The following PTK2 variants were observed in gnomAD, a reference collection of about 807,000 sequenced individuals.
PTK2 encodes protein tyrosine kinase 2, also known as focal adhesion kinase 1.
Under a neutral mutation model 150.1 loss-of-function variants are expected in PTK2, and 45 were observed. That is an observed-to-expected ratio of 0.30 (90% CI 0.24 to 0.38). PTK2 has a LOEUF of 0.38. PTK2 is among the 10% of genes least tolerant of loss of function. The pLI is 1.00. For synonymous variants in PTK2, 432 were observed against 449.2 expected (o/e 0.96, Z 0.48); for missense variants, 919 against 1,307.3 (o/e 0.70, Z 4.58).
intron 10 of PTK2, among the ~76,000 whole-genome samples, chr8:140,806,891 C>A (rs756212400): frequency 6.6e-6 from 1 of 152,236 alleles, no homozygotes; most frequent in East Asian, 1.9e-4. Context: ...CTGGCACTGC[C>A]CACCTACTCT....
At chr8:140,968,108 T>C (rs549286420) in intron 1 of PTK2, among the ~76,000 whole-genome samples, 1 of 152,380 alleles carries the variant, frequency 6.6e-6, no homozygotes, top group South Asian at 2.1e-4. Context: ...ATCTCTGCAC[T>C]GATGCTTAGT....
At chr8:140,744,657 T>C in exon 19 of PTK2, 1 of 1,566,972 alleles carries the variant, frequency 6.4e-7, no homozygotes, top group Non-Finnish European at 8.7e-7. Context: ...CTTACCTGTG[T>C]ACAAATCTTT....
intron 1 of PTK2, among the ~76,000 whole-genome samples, chr8:140,953,198 C>T (rs1471366461): frequency 6.6e-6 from 1 of 152,140 alleles, no homozygotes; most frequent in African/African-American, 2.4e-5. Flanking sequence ...CTAGTCCCCC[C>T]CAGTAGATGC....
intron 10 of PTK2, among the ~76,000 whole-genome samples, chr8:140,804,967 C>A (rs1297007050): frequency 1.3e-5 from 2 of 152,152 alleles, no homozygotes; most frequent in Non-Finnish European, 2.9e-5. Flanking sequence ...TCTCTCTTTC[C>A]CAGTTCTTTT....
At chr8:140,920,748 A>G in intron 2 of PTK2, 1 of 1,294,378 alleles carries the variant, frequency 7.7e-7, no homozygotes, top group Non-Finnish European at 1.0e-6. Context: ...AAAAACATTT[A>G]TCTACCTTTT....
chr8:140,708,477 C>T (rs1263412104), intron 23 of PTK2, among the ~76,000 whole-genome samples: 1 of 152,136 alleles, frequency 6.6e-6, no homozygotes, highest in Non-Finnish European at 1.5e-5. Flanking sequence ...TTTTTCACAC[C>T]CTACCTTCGG....
chr8:140,807,494 T>C (rs939783069), intron 10 of PTK2, among the ~76,000 whole-genome samples: 1 of 152,174 alleles, frequency 6.6e-6, no homozygotes, highest in Non-Finnish European at 1.5e-5. Flanking sequence ...AAGTGGTCAT[T>C]ACAAGGGCAA....
chr8:140,879,708 C>CAAAAAAAAAAAAA, intron 3 of PTK2, 71 bp from the exon 4 acceptor site: 1 of 967,226 alleles, frequency 1.0e-6, no homozygotes, highest in Non-Finnish European at 1.3e-6. Flanking sequence ...AAAACCAAAA[C>CAAAAAAAAAAAAA]AAAACAAAAA....
intron 11 of PTK2, among the ~76,000 whole-genome samples, chr8:140,802,402 T>A (rs534788723): frequency 6.6e-6 from 1 of 152,282 alleles, no homozygotes; most frequent in South Asian, 2.1e-4. Context: ...TGTACAGCTG[T>A]ACAATATATT....
chr8:140,942,035 A>G lies in PTK2; in HGVS notation c.-121-16286T>C, dbSNP rs537882598. On this transcript the variant is annotated intron_variant, in intron 1 of 31. Transcript: ENST00000522684. Reference sequence around the variant, plus strand: ...CTCCCGAGTAGCTGGGACCACAGGCATGTGCCACCACACCTGGCTAATTTT... The same window carrying G: ...CTCCCGAGTAGCTGGGACCACAGGCGTGTGCCACCACACCTGGCTAATTTT... 5.3e-5 allele frequency among the ~76,000 whole-genome samples: 8 copies of G among 151,876 alleles called. No homozygotes were observed. The East Asian group carries it at 1.6e-3, about 30-fold the overall frequency.
intron 14 of PTK2, 30 bp from the exon 16 acceptor site, chr8:140,769,622 G>A: frequency 7.4e-7 from 1 of 1,348,994 alleles, no homozygotes; most frequent in Non-Finnish European, 9.8e-7. Flanking sequence ...GCAAAGAAAG[G>A]GAAGTAGGGA....
chr8:140,723,733 GA>G (rs572476197), intron 22 of PTK2, among the ~76,000 whole-genome samples: 21 of 152,280 alleles, frequency 1.4e-4, no homozygotes, highest in African/African-American at 5.1e-4. Flanking sequence ...CAAATAGATG[GA>G]ACAATGAAAG....
rs2100040725 is a variant in PTK2 at position 140,717,967 on chromosome 8, T to C, written c.2031-258A>G. The C allele has an allele frequency of 8.5e-6, 3 of 353,346 alleles. No homozygotes were observed. The South Asian group carries it at 1.2e-4, about 15-fold the overall frequency. The allele number at this position is 353,346 out of a possible 1,614,324, so 21.9% of individuals were successfully genotyped here. ...AAGACAGCTGGTAAGAAAAAGAGGT[T>C]GCAGAAAATGAAGGATGGGCCAAGA... On this transcript the variant is annotated intron_variant, in intron 22 of 31. Transcript: ENST00000522684.
chr8:140,723,203 A>G (rs149584937), intron 22 of PTK2, among the ~76,000 whole-genome samples: 1 of 152,312 alleles, frequency 6.6e-6, no homozygotes, highest in East Asian at 1.9e-4. Context: ...TAAACTCCCT[A>G]CAGTTGTCAG....
intron 2 of PTK2, among the ~76,000 whole-genome samples, chr8:140,911,759 A>C (rs2100163279): frequency 6.6e-6 from 1 of 152,170 alleles, no homozygotes; most frequent in Non-Finnish European, 1.5e-5. Flanking sequence ...TAAACTTTAC[A>C]TAATTAATCA....
chr8:140,760,495 T>C (rs927749918), intron 16 of PTK2, among the ~76,000 whole-genome samples: 4 of 152,204 alleles, frequency 2.6e-5, no homozygotes, highest in Non-Finnish European at 5.9e-5. Flanking sequence ...ATATATTATA[T>C]GTTTCATTTA....
At chr8:140,789,430 C>A in intron 14 of PTK2, 44 bp downstream of exon 14, 1 of 1,594,602 alleles carries the variant, frequency 6.3e-7, no homozygotes, top group Non-Finnish European at 8.6e-7. Context: ...ATCGTCTTAC[C>A]CCATGAGAGT....
At chr8:140,985,120 T>G (rs186370349) in intron 1 of PTK2, among the ~76,000 whole-genome samples, 12 of 152,194 alleles carry the variant, frequency 7.9e-5, no homozygotes, top group Admixed American at 7.9e-4. Context: ...TCATCTTCTT[T>G]TTTTATTTTT....
At chr8:140,977,877 A>G (rs534889393) in intron 1 of PTK2, among the ~76,000 whole-genome samples, 1 of 152,322 alleles carries the variant, frequency 6.6e-6, no homozygotes, top group Admixed American at 6.5e-5. Flanking sequence ...ACAGTAACCA[A>G]AACAGCATGG....
Sources: gnomAD v4.1 joint callset for allele counts (sites outside exome capture counted in the v4.1 genomes callset) on GRCh38, gnomAD v4.1.1 for gene constraint, MANE v1.5 for transcripts, NCBI Gene and HGNC (gene_info 2026-07-23, HGNC 2026-07-21) for gene names.